Variants in TPCN2 observed in about 807,000 individuals in gnomAD.
The protein encoded by TPCN2 is two pore channel protein 2.
A neutral mutation model predicts 111.4 loss-of-function variants in TPCN2; 92 were observed. That is an observed-to-expected ratio of 0.83 (90% CI 0.70 to 0.98). TPCN2 has a LOEUF of 0.98. Among genes scored for constraint, TPCN2 ranks in the 50% least tolerant of loss-of-function variants. The probability of loss-of-function intolerance (pLI) is 0.00; values close to 1 mark genes in which losing one functional copy is unlikely to be tolerated. For synonymous variants in TPCN2, 405 were observed against 414.5 expected (o/e 0.98, Z 0.28); for missense variants, 995 against 980.1 (o/e 1.02, Z -0.20).
chr11:69,065,283 A>G (rs1453952318), intron 7 of TPCN2, among the ~76,000 whole-genome samples: 1 of 152,210 alleles, frequency 6.6e-6, no homozygotes, highest in African/African-American at 2.4e-5. Context: ...GCTGTTTGCC[A>G]GAGCCTGTAC....
intron 20 of TPCN2, 36 bp from the exon 21 acceptor site, chr11:69,085,635 C>T (rs1294854719): frequency 7.2e-7 from 1 of 1,390,966 alleles, no homozygotes. Context: ...GAACCTGGAG[C>T]CCCCGCCCCT....
intron 2 of TPCN2, chr11:69,054,410 T>G (rs112623753): frequency 3.5e-6 from 2 of 563,838 alleles, no homozygotes; most frequent in East Asian, 5.9e-5. Context: ...GGGTCAGCCT[T>G]GCACAGAGAA....
chr11:69,072,458 G>A (rs1203572740), intron 11 of TPCN2, among the ~76,000 whole-genome samples, 169 bp from the exon 12 acceptor site: 1 of 151,956 alleles, frequency 6.6e-6, no homozygotes, highest in Non-Finnish European at 1.5e-5. Flanking sequence ...GCCTTCTCGG[G>A]GGGACGGCAG....
chr11:69,083,070 GTGTGCACACAT>G lies in TPCN2; in HGVS notation c.1690-874_1690-864del, dbSNP rs1856113635. On this transcript the variant is annotated intron_variant, in intron 18 of 24. Transcript: ENST00000294309. ...GTGCCCGTGTAAGACACATGATCGT[GTGTGCACACAT>G]CGCATGCAGATATCCATGTGAACTT... is the stretch of plus-strand genomic sequence containing the variant. The G allele has an allele frequency of 4.6e-5, 7 of 152,428 alleles. No individual in the cohort carries two copies. In the South Asian group the frequency reaches 1.5e-3, roughly 32 times the overall value. 9.4% of individuals were successfully genotyped at this position (152,428 alleles called of 1,614,324 possible). A position where few individuals can be genotyped will look rare whatever the true frequency, so the allele number is the denominator to read the frequency against.
chr11:69,057,488 G>A (rs1486500343), intron 4 of TPCN2, 90 bp from the exon 5 acceptor site: 9 of 1,244,822 alleles, frequency 7.2e-6, no homozygotes, highest in South Asian at 7.2e-5. Flanking sequence ...TGCTCTGGTC[G>A]CCTGGTCCCT....
chr11:69,076,652 C>A (rs71464360), intron 13 of TPCN2, among the ~76,000 whole-genome samples: 1 of 107,250 alleles, frequency 9.3e-6, no homozygotes, highest in East Asian at 4.1e-4. Flanking sequence ...GCCCTCCTGC[C>A]GTGTCCCTCC....
Position 69,090,134 on chromosome 11 carries a change from C to T in TPCN2, c.*2181C>T, listed in dbSNP as rs560845915. 10 of 147,080 alleles carry T rather than the reference C, an allele frequency of 6.8e-5. 1 individual carries two copies. The highest frequency in any genetic ancestry group is 4.3e-4 in the South Asian group (2 of 4,678). The allele number at this position is 147,080 out of a possible 1,614,324, so 9.1% of individuals were successfully genotyped here. ...CCTGGCTGTTGCAGATTGCTGCACC[C>T]GGGAGCTCTTAGTGGACAGAGCTAG... On this transcript the variant is annotated 3_prime_UTR_variant, in exon 25 of 25. Transcript: ENST00000294309.
rs577829135 is a variant in TPCN2, at chr11:69,071,014, C to T, written c.896-342C>T. On this transcript the variant is annotated intron_variant, in intron 9 of 24. Transcript: ENST00000294309. ...GGATCCCCCACCAACAGCTTCACCC[C>T]GGGGATCCCCCACCAACAGCTTCAC... 1.5e-4 allele frequency among the ~76,000 whole-genome samples: 22 copies of T among 148,822 alleles called. No individual in the cohort carries two copies. The East Asian group carries it at 3.5e-3, about 24-fold the overall frequency.
At position 69,073,891 on chromosome 11, in the gene TPCN2, A is replaced by G. The variant is rs372353711; in HGVS notation, c.1230+890A>G. Among the ~76,000 whole-genome samples the G allele has an allele frequency of 2.6e-5, 4 of 151,928 alleles. No homozygotes were observed. In the South Asian group the frequency reaches 6.2e-4, roughly 24 times the overall value. On this transcript the variant is annotated intron_variant, in intron 13 of 24. Transcript: ENST00000294309. Reference sequence around the variant, plus strand: ...GAGGCCTCTCTCCATGGCTGTAGACATCGCCTTCTCCCTGTATCCTCACGT... The same window carrying G: ...GAGGCCTCTCTCCATGGCTGTAGACGTCGCCTTCTCCCTGTATCCTCACGT...
At chr11:69,071,817 A>G (rs1384165916) in intron 10 of TPCN2, 106 bp from the exon 11 acceptor site, 2 of 1,044,790 alleles carry the variant, frequency 1.9e-6, no homozygotes, top group South Asian at 2.9e-5. Flanking sequence ...CCCCCCCCCA[A>G]GGCTGCCCAG....
At position 69,085,691 on chromosome 11, in the gene TPCN2, C is replaced by T. The variant is rs200514919; in HGVS notation, c.1859C>T (p.Ser620Leu). Residue 620 changes from serine to leucine, a missense_variant, in exon 21 of 25, where the codon TCG becomes TTG. Ser to Leu is a moderately radical substitution (Grantham distance 145, BLOSUM62 -2). Coordinates refer to ENST00000294309, the MANE Select transcript of TPCN2 (RefSeq NM_139075.4). ...CCCAGCCTGGCCCCTGCCAATGGCT[C>T]GGCGCCCTGTGGGAGCTTCGAGCAG... ...GNSSLAPANG[S>L]APCGSFEQLE... is the part of the protein sequence containing the mutation. The T allele has an allele frequency of 2.0e-4, 316 of 1,613,724 alleles. 3 individuals are homozygous for T. The South Asian group carries it at 2.9e-3, about 15-fold the overall frequency.
At position 69,071,403 on chromosome 11, in the gene TPCN2, T is replaced by C; in HGVS notation, c.943T>C (p.Phe315Leu). The change falls in exon 10 of 25, where the codon TTC (phenylalanine) becomes CTC (leucine). Residue 315 changes from phenylalanine (F) to leucine (L), a missense_variant. Physicochemically the swap from Phe to Leu is conservative, Grantham distance 22. Coordinates refer to ENST00000294309, the MANE Select transcript of TPCN2 (RefSeq NM_139075.4). ...NLLTAIIYSQ[F>L]RGYLMKSLQT... ...GCTGACAGCCATCATCTACAGTCAG[T>C]TCCGGGGCTACCTGATGGTGAGCGA... 1 of 1,613,736 alleles carries C rather than the reference T, an allele frequency of 6.2e-7. No homozygotes were observed. The highest frequency in any genetic ancestry group is 8.5e-7 in the Non-Finnish European group (1 of 1,179,886).
chr11:69,084,676 C>T (rs1024423564), intron 19 of TPCN2: 2 of 985,354 alleles, frequency 2.0e-6, no homozygotes, highest in Non-Finnish European at 2.4e-6. Flanking sequence ...ACCACCTTGA[C>T]GTAGGGACCA....
chr11:69,049,849 C>G (rs1861142340), intron 1 of TPCN2, among the ~76,000 whole-genome samples: 1 of 152,138 alleles, frequency 6.6e-6, no homozygotes. Context: ...GAATGAGATT[C>G]TGGATTAAGA....
Position 69,084,486 on chromosome 11 carries a change from C to A in TPCN2, c.1761+470C>A, listed in dbSNP as rs539432582. On this transcript the variant is annotated intron_variant, in intron 19 of 24. Transcript: ENST00000294309. ...GAGCGAGAACTGTGGGACGCCCCGG[C>A]CCCTCCCTGGGGGCCAGCCTTCCAG... is the stretch of plus-strand genomic sequence containing the variant. Among the ~76,000 whole-genome samples, 6 of 152,332 alleles carry A rather than the reference C, an allele frequency of 3.9e-5. No individual in the cohort carries two copies. The South Asian group carries it at 1.2e-3, about 32-fold the overall frequency.
chr11:69,077,414 A>G (rs1392454111), intron 13 of TPCN2, among the ~76,000 whole-genome samples: 1 of 151,844 alleles, frequency 6.6e-6, no homozygotes, highest in African/African-American at 2.4e-5. Flanking sequence ...CCCCTCCGCT[A>G]AGAAAGCCTC....
intron 18 of TPCN2, chr11:69,083,407 C>T (rs531801094): frequency 1.9e-4 from 31 of 160,830 alleles, no homozygotes; most frequent in African/African-American, 6.7e-4. Context: ...GCCTTTCTCC[C>T]GGCTAGGCTG....
intron 18 of TPCN2, 69 bp from the exon 19 acceptor site, chr11:69,083,876 G>T: frequency 6.8e-7 from 1 of 1,472,540 alleles, no homozygotes; most frequent in Non-Finnish European, 9.5e-7. Context: ...GGTCAGCGTG[G>T]TGGGCCGGGA....
intron 7 of TPCN2, among the ~76,000 whole-genome samples, chr11:69,065,187 G>C (rs1041011109): frequency 1.3e-5 from 2 of 152,172 alleles, no homozygotes; most frequent in Non-Finnish European, 2.9e-5. Context: ...TGTGGGTGGT[G>C]GGGGCAGCTG....
Sources: gnomAD v4.1 joint callset for allele counts (sites outside exome capture counted in the v4.1 genomes callset) on GRCh38, gnomAD v4.1.1 for gene constraint, MANE v1.5 for transcripts, NCBI Gene and HGNC (gene_info 2026-07-23, HGNC 2026-07-21) for gene names.